The following MINPP1 variants were observed in gnomAD, a reference collection of about 807,000 sequenced individuals.
The protein encoded by MINPP1 is multiple inositol polyphosphate phosphatase 1.
MINPP1 carries 28 observed loss-of-function variants against 46.1 expected under a neutral mutation model. The observed-to-expected ratio is 0.61, with a 90% CI of 0.45 to 0.83. The LOEUF (loss-of-function observed/expected upper bound fraction) is 0.83, where lower values mean the gene tolerates loss of function less well. MINPP1 is among the 40% of genes least tolerant of loss of function. The pLI is 0.00. For synonymous variants in MINPP1, 268 were observed against 249.1 expected, an observed-to-expected ratio of 1.08 and a Z score of -0.72; for missense variants, 603 against 610.0, an observed-to-expected ratio of 0.99 and a Z score of 0.12.
In MINPP1 at chr10:87,526,869, T is replaced by C. The variant is rs185800087; in HGVS notation, c.1067+5700T>C. Among the ~76,000 whole-genome samples the C allele has an allele frequency of 1.1e-4, 17 of 152,318 alleles. No individual in the cohort carries two copies. In the East Asian group the frequency reaches 3.3e-3, roughly 29 times the overall value. On this transcript the variant is annotated intron_variant, in intron 4 of 4. Coordinates refer to ENST00000371996, the MANE Select transcript of MINPP1 (RefSeq NM_004897.5). The stretch of plus-strand genomic sequence containing the variant: ...TCAGATGGTTGTAGATGTGTGGTAT[T>C]ATTTCTGAGGGCTCTGTTCTGTTCC...
At chr10:87,515,860 C>T (rs1362728463) in intron 3 of MINPP1, among the ~76,000 whole-genome samples, 47 of 131,266 alleles carry the variant, frequency 3.6e-4, no homozygotes, top group Non-Finnish European at 5.8e-4. Context: ...ACAGAGTCTT[C>T]CTCTGTCGCC....
In MINPP1 at chr10:87,507,795, C is replaced by G. The variant is rs1398116094; in HGVS notation, c.638-541C>G. ...GTTAAAAGATAAACCAATTCACAGG[C>G]CCAGCACAGTGAAGCACAGGAGACC... On this transcript the variant is annotated intron_variant, in intron 1 of 4. Transcript: ENST00000371996. 1.9e-5 allele frequency: 19 copies of G among 998,562 alleles called. No homozygotes were observed. The African/African-American group carries it at 3.1e-4, about 17-fold the overall frequency. The allele number at this position is 998,562 out of a possible 1,614,324, so 61.9% of individuals were successfully genotyped here.
At chr10:87,514,333 G>A (rs1851380469) in intron 3 of MINPP1, among the ~76,000 whole-genome samples, 1 of 152,034 alleles carries the variant, frequency 6.6e-6, no homozygotes, top group Non-Finnish European at 1.5e-5. Context: ...TCATATTTAT[G>A]TATATCATAT....
intron 4 of MINPP1, among the ~76,000 whole-genome samples, chr10:87,549,588 C>T (rs911588012): frequency 6.6e-6 from 1 of 152,120 alleles, no homozygotes; most frequent in Non-Finnish European, 1.5e-5. Flanking sequence ...TTACTAATGG[C>T]GTATAAATTA....
rs142074117 is a variant in MINPP1, at chr10:87,550,615, T to G, written c.1068-1467T>G. Among the ~76,000 whole-genome samples the G allele has an allele frequency of 2.8e-3, 433 of 152,284 alleles. 2 individuals are homozygous for G. Among genetic ancestry groups the G allele is most frequent in the African/African-American group, 9.9e-3 (413 of 41,566 alleles). ...GATATGAATTGTTTTCCTGAACATT[T>G]AGAAAAAGGTTTGTGTCAGATTGCT... On this transcript the variant is annotated intron_variant, in intron 4 of 4. Coordinates refer to ENST00000371996, the MANE Select transcript of MINPP1 (RefSeq NM_004897.5).
At chr10:87,525,922 A>G (rs896935102) in intron 4 of MINPP1, among the ~76,000 whole-genome samples, 18 of 152,364 alleles carry the variant, frequency 1.2e-4, no homozygotes, top group East Asian at 1.9e-4. Context: ...TCCATGGTGT[A>G]TAAGTGCCAC....
chr10:87,510,757 T>C (rs191968884), intron 2 of MINPP1, among the ~76,000 whole-genome samples: 317 of 152,320 alleles, frequency 2.1e-3, no homozygotes, highest in Non-Finnish European at 2.9e-3. Flanking sequence ...TAGCCAGTCT[T>C]ATAACTTGGT....
At chr10:87,540,743 C>G (rs1314022565) in intron 4 of MINPP1, among the ~76,000 whole-genome samples, 1 of 152,084 alleles carries the variant, frequency 6.6e-6, no homozygotes, top group Non-Finnish European at 1.5e-5. Context: ...AACTGGAGTT[C>G]CTAGGAGATG....
chr10:87,534,740 A>C (rs1851709788), intron 4 of MINPP1, among the ~76,000 whole-genome samples: 1 of 152,336 alleles, frequency 6.6e-6, no homozygotes, highest in East Asian at 1.9e-4. Flanking sequence ...CAACTTTTTA[A>C]TAACTGTTAA....
chr10:87,549,273 A>T (rs114888359), intron 4 of MINPP1, among the ~76,000 whole-genome samples: 3,271 of 152,256 alleles, frequency 0.021, 130 homozygotes, highest in African/African-American at 0.076. Context: ...CAATTAATAG[A>T]ACTTTGAACT....
chr10:87,534,351 C>T (rs933123017), intron 4 of MINPP1, among the ~76,000 whole-genome samples: 5 of 152,118 alleles, frequency 3.3e-5, no homozygotes, highest in Non-Finnish European at 5.9e-5. Context: ...GGGTGAGCCA[C>T]AGTGCCCGGC....
intron 4 of MINPP1, among the ~76,000 whole-genome samples, chr10:87,528,247 C>A (rs1851607098): frequency 6.6e-6 from 1 of 152,132 alleles, no homozygotes. Flanking sequence ...TTGCCTTCTG[C>A]TAGCTTTTGA....
intron 4 of MINPP1, among the ~76,000 whole-genome samples, chr10:87,540,889 A>G (rs565649108): frequency 6.6e-6 from 1 of 152,358 alleles, no homozygotes; most frequent in African/African-American, 2.4e-5. Flanking sequence ...GTCCTGGCAT[A>G]TACCTTTAAT....
intron 1 of MINPP1, among the ~76,000 whole-genome samples, chr10:87,506,019 T>TC (rs2131795747): frequency 6.7e-6 from 1 of 149,678 alleles, no homozygotes; most frequent in Non-Finnish European, 1.5e-5. Context: ...TTTCCTTCTT[T>TC]CTTTTTTTTT....
intron 4 of MINPP1, among the ~76,000 whole-genome samples, chr10:87,544,579 T>C (rs1299041132): frequency 6.6e-6 from 1 of 152,156 alleles, no homozygotes; most frequent in Non-Finnish European, 1.5e-5. Flanking sequence ...AACATGAGCA[T>C]GCAAAAAGAC....
At position 87,505,278 on chromosome 10, in the gene MINPP1, T is replaced by G; in HGVS notation, c.363T>G (p.Ser121Arg). 1 of 1,610,836 alleles carries G rather than the reference T, an allele frequency of 6.2e-7. No individual in the cohort carries two copies. The highest frequency in any genetic ancestry group is 8.5e-7 in the Non-Finnish European group (1 of 1,177,908). ...GGTCCAGGGATGGCGGGGCTAGTAG[T>G]ACCGGCAGCCGCGACCTGGGTGCAG... The part of the protein sequence containing the change: ...ARGSRDGGAS[S>R]TGSRDLGAAL... Residue 121 changes from serine to arginine, a missense_variant, in exon 1 of 5, where the codon AGT becomes AGG. By Grantham distance (110) the Ser-to-Arg change is moderately radical. Coordinates refer to ENST00000371996, the MANE Select transcript of MINPP1 (RefSeq NM_004897.5). This position sits in a 1 kb window ranked among gnomAD's most constrained non-coding sequence, Gnocchi z 4.4.
intron 4 of MINPP1, among the ~76,000 whole-genome samples, chr10:87,535,078 G>A (rs529623225): frequency 6.6e-6 from 1 of 152,332 alleles, no homozygotes; most frequent in East Asian, 1.9e-4. Flanking sequence ...GCGAAAGGAT[G>A]CTTGGGAAAG....
chr10:87,513,101 AT>A, intron 2 of MINPP1, 22 bp from the exon 3 acceptor site: 1 of 1,591,736 alleles, frequency 6.3e-7, no homozygotes. Context: ...GACCCACAAA[AT>A]TTTACCTTTT....
At position 87,505,638 on chromosome 10, in the gene MINPP1, C is replaced by G. The variant is rs1336968634; in HGVS notation, c.637+86C>G. On this transcript the variant is annotated intron_variant, in intron 1 of 4. Transcript: ENST00000371996. The surrounding 1 kb of genome is among the most constrained non-coding windows in gnomAD (Gnocchi z 4.4). Reference sequence around the variant, plus strand: ...CGCCTCCCCCAGACCCTGGGCTTTTCCGATGCCCCCCAGTTCTCTTTCCTC... The same window carrying G: ...CGCCTCCCCCAGACCCTGGGCTTTTGCGATGCCCCCCAGTTCTCTTTCCTC... The G allele has an allele frequency of 8.2e-7, 1 of 1,222,604 alleles. No homozygotes were observed. The highest frequency in any genetic ancestry group is 2.2e-5 in the Admixed American group (1 of 46,378). The allele number at this position is 1,222,604 out of a possible 1,614,324, so 75.7% of individuals were successfully genotyped here. A position where few individuals can be genotyped will look rare whatever the true frequency, so the allele number is the denominator to read the frequency against.
Sources: allele counts gnomAD v4.1 joint callset (sites outside exome capture counted in the v4.1 genomes callset), GRCh38; gene constraint gnomAD v4.1.1; non-coding constraint Gnocchi (gnomAD v3.1); transcripts MANE v1.5; gene names NCBI Gene and HGNC (gene_info 2026-07-23, HGNC 2026-07-21).